Variants in KIAA1328 observed in about 807,000 individuals in gnomAD.
KIAA1328 encodes KIAA1328.
Under a neutral mutation model 68.1 loss-of-function variants are expected in KIAA1328, and 52 were observed. The ratio of observed to expected loss-of-function variants is 0.76; its 90% CI spans 0.61 to 0.96. KIAA1328 has a LOEUF of 0.96. KIAA1328 is among the 40% of genes least tolerant of loss of function. KIAA1328 has a pLI of 0.00. For missense variants in KIAA1328, 641 were observed against 677.6 expected, an observed-to-expected ratio of 0.95 and a Z score of 0.60; for synonymous variants, 232 against 239.4, an observed-to-expected ratio of 0.97 and a Z score of 0.28.
At chr18:37,138,392 G>A (rs1054711266) in intron 7 of KIAA1328, among the ~76,000 whole-genome samples, 2 of 152,056 alleles carry the variant, frequency 1.3e-5, no homozygotes, top group East Asian at 1.9e-4. Flanking sequence ...AGTGCTCCTC[G>A]GGGTGAGACT....
At chr18:37,228,976 G>A (rs2060652880), downstream of KIAA1328, among the ~76,000 whole-genome samples, 1 of 152,218 alleles carries the variant, frequency 6.6e-6, no homozygotes, top group South Asian at 2.1e-4. Context: ...CTACAGTTGT[G>A]TGAACATAAC....
chr18:36,876,671 T>C (rs2048139808), intron 4 of KIAA1328, among the ~76,000 whole-genome samples: 1 of 152,196 alleles, frequency 6.6e-6, no homozygotes, highest in Admixed American at 6.5e-5. Context: ...ATGTCTCTTA[T>C]CTCCTTCGTT....
At chr18:37,228,679 G>C (rs1449066459), downstream of KIAA1328, among the ~76,000 whole-genome samples, 1 of 152,106 alleles carries the variant, frequency 6.6e-6, no homozygotes, top group African/African-American at 2.4e-5. Context: ...AATCAGCTGG[G>C]CATGGTGGCA....
At chr18:37,201,170 A>G (rs2060106905) in intron 9 of KIAA1328, among the ~76,000 whole-genome samples, 1 of 152,226 alleles carries the variant, frequency 6.6e-6, no homozygotes, top group Non-Finnish European at 1.5e-5. Context: ...TTATAATTCC[A>G]TGATTATAAT....
chr18:37,198,501 A>G (rs1192296197), intron 9 of KIAA1328, among the ~76,000 whole-genome samples: 1 of 152,192 alleles, frequency 6.6e-6, no homozygotes, highest in Non-Finnish European at 1.5e-5. Flanking sequence ...GGAGTGGTAG[A>G]AGGTAGAAGC....
chr18:37,032,202 AG>A (rs1365811860), intron 6 of KIAA1328, among the ~76,000 whole-genome samples: 3 of 152,160 alleles, frequency 2.0e-5, no homozygotes, highest in African/African-American at 7.2e-5. Context: ...TCTACTTTCA[AG>A]TAATATTTAC....
At chr18:37,141,291 A>C (rs180904374) in intron 7 of KIAA1328, among the ~76,000 whole-genome samples, 1 of 152,332 alleles carries the variant, frequency 6.6e-6, no homozygotes, top group Admixed American at 6.5e-5. Context: ...ATAATCTGTT[A>C]TATATCACTT....
intron 5 of KIAA1328, among the ~76,000 whole-genome samples, chr18:36,957,264 A>G (rs140609616): frequency 1.5e-3 from 223 of 152,310 alleles, no homozygotes; most frequent in South Asian, 2.9e-3. Flanking sequence ...AATCGTGATG[A>G]CCTATTGTAA....
chr18:36,840,603 G>A (rs950176284), intron 3 of KIAA1328, among the ~76,000 whole-genome samples: 1 of 151,930 alleles, frequency 6.6e-6, no homozygotes, highest in Non-Finnish European at 1.5e-5. Flanking sequence ...TTACAGGAAC[G>A]CACTACCATG....
Position 37,223,230 on chromosome 18 carries a change from C to T in KIAA1328, c.*1003C>T. 1.0e-6 allele frequency: 1 copy of T among 985,330 alleles called. No homozygotes were observed. The highest frequency in any genetic ancestry group is 1.2e-6 in the Non-Finnish European group (1 of 829,932). The allele number at this position is 985,330 out of a possible 1,614,324, so 61.0% of individuals were successfully genotyped here. A position where few individuals can be genotyped will look rare whatever the true frequency, so the allele number is the denominator to read the frequency against. The stretch of plus-strand genomic sequence containing the variant: ...CTGACCAGGCCTCACAGGTGCTCTG[C>T]TCGTGGCCCCAAAGAACCATCTCTA... On this transcript the variant is annotated 3_prime_UTR_variant, in exon 10 of 10. Coordinates refer to ENST00000280020, the MANE Select transcript of KIAA1328 (RefSeq NM_020776.3).
intron 7 of KIAA1328, among the ~76,000 whole-genome samples, chr18:37,091,901 A>T (rs2057278042): frequency 6.6e-6 from 1 of 152,162 alleles, no homozygotes; most frequent in South Asian, 2.1e-4. Context: ...AGAGCTGCCT[A>T]TTGAGGGATG....
At chr18:36,831,892 T>G (rs968679533) in intron 1 of KIAA1328, among the ~76,000 whole-genome samples, 2 of 152,100 alleles carry the variant, frequency 1.3e-5, no homozygotes, top group Non-Finnish European at 1.5e-5. Context: ...GCCCTCTGTA[T>G]CTGCTGATTC....
At chr18:36,910,639 GT>G (rs1362543430) in intron 5 of KIAA1328, among the ~76,000 whole-genome samples, 17 of 152,126 alleles carry the variant, frequency 1.1e-4, no homozygotes, top group Non-Finnish European at 2.2e-4. Flanking sequence ...CTTTAAAGTA[GT>G]TTTTTCTAAT....
intron 7 of KIAA1328, among the ~76,000 whole-genome samples, chr18:37,111,064 G>A (rs2057916397): frequency 6.6e-6 from 1 of 152,130 alleles, no homozygotes; most frequent in South Asian, 2.1e-4. Context: ...GACTTTCTTT[G>A]TTACGTGGTA....
chr18:36,904,320 G>A (rs2151043006), intron 5 of KIAA1328, among the ~76,000 whole-genome samples: 1 of 152,138 alleles, frequency 6.6e-6, no homozygotes, highest in South Asian at 2.1e-4. Context: ...TATTGAGAAA[G>A]GGGTATTAAT....
chr18:36,857,094 G>GT (rs2047410046), intron 4 of KIAA1328, among the ~76,000 whole-genome samples: 1 of 152,132 alleles, frequency 6.6e-6, no homozygotes, highest in Non-Finnish European at 1.5e-5. Context: ...GCACTGCTAA[G>GT]GCAAGGAGGC....
intron 7 of KIAA1328, among the ~76,000 whole-genome samples, chr18:37,090,855 A>G (rs1465012672): frequency 2.0e-5 from 3 of 152,194 alleles, no homozygotes; most frequent in South Asian, 2.1e-4. Context: ...TTAAATCTCA[A>G]TCTTTCTCAG....
chr18:37,036,745 G>GCA (rs146697624), intron 6 of KIAA1328, among the ~76,000 whole-genome samples: 5 of 152,144 alleles, frequency 3.3e-5, no homozygotes, highest in African/African-American at 7.2e-5. Flanking sequence ...TTGTTTACAT[G>GCA]CACACACACA....
chr18:37,156,865 TA>T (rs546585928), intron 7 of KIAA1328, among the ~76,000 whole-genome samples: 239 of 152,256 alleles, frequency 1.6e-3, no homozygotes, highest in Non-Finnish European at 2.4e-3. Flanking sequence ...CACTGTGAAC[TA>T]GAAGAATCTG....
Sources: allele counts gnomAD v4.1 joint callset (sites outside exome capture counted in the v4.1 genomes callset), GRCh38; gene constraint gnomAD v4.1.1; transcripts MANE v1.5; gene names NCBI Gene and HGNC (gene_info 2026-07-23, HGNC 2026-07-21).